NLK: variants seen among roughly 807,000 people sequenced by gnomAD.
NLK encodes serine/threonine-protein kinase NLK.
A neutral mutation model predicts 59.0 loss-of-function variants in NLK; 11 were observed. The ratio of observed to expected loss-of-function variants is 0.19; its 90% CI spans 0.12 to 0.31. NLK has a LOEUF of 0.31. Among genes scored for constraint, NLK ranks in the 10% least tolerant of loss-of-function variants. The pLI, the probability that NLK is intolerant of heterozygous loss-of-function variation, is 1.00. For missense variants in NLK, 410 were observed against 661.1 expected, an observed-to-expected ratio of 0.62 and a Z score of 4.16; for synonymous variants, 235 against 235.9, an observed-to-expected ratio of 1.00 and a Z score of 0.03.
rs75660669 is a variant in NLK, at chr17:28,108,920, G to A, written c.459-13683G>A. Among the ~76,000 whole-genome samples the A allele has an allele frequency of 7.0e-4, 107 of 152,272 alleles. 1 individual carries two copies. In the East Asian group the frequency reaches 0.019, roughly 28 times the overall value. On this transcript the variant is annotated intron_variant, in intron 1 of 10. Coordinates refer to ENST00000407008, the MANE Select transcript of NLK (RefSeq NM_016231.5). ...GCAGTGGCTCACGCCTGTAATCCCAGCACTTTGGGAGGCTGAGGTGGGCGG... is the reference window on the plus strand; with the variant it reads ...GCAGTGGCTCACGCCTGTAATCCCAACACTTTGGGAGGCTGAGGTGGGCGG...
downstream of NLK, among the ~76,000 whole-genome samples, chr17:28,200,325 T>TTTTGTA (rs1160374664): frequency 6.6e-6 from 1 of 152,168 alleles, no homozygotes; most frequent in Non-Finnish European, 1.5e-5. Flanking sequence ...TTGAGCTAAT[T>TTTTGTA]TTTGTATAAG....
chr17:28,118,439 G>A (rs1056210087), intron 1 of NLK, among the ~76,000 whole-genome samples: 5 of 152,080 alleles, frequency 3.3e-5, no homozygotes, highest in African/African-American at 1.2e-4. Context: ...AACACATGGG[G>A]GATTCTTCAC....
intron 6 of NLK, chr17:28,171,096 GT>G (rs1283952562): frequency 2.0e-5 from 3 of 152,274 alleles, no homozygotes; most frequent in African/African-American, 7.2e-5. Context: ...GTTTCAGTTT[GT>G]TTTTATAAGC....
intron 3 of NLK, among the ~76,000 whole-genome samples, chr17:28,135,255 T>C (rs564519673): frequency 6.6e-6 from 1 of 152,342 alleles, no homozygotes; most frequent in Admixed American, 6.5e-5. Flanking sequence ...ACCCTCAGGC[T>C]CAGTGATTCG....
chr17:28,058,426 A>G (rs574883980), intron 1 of NLK, among the ~76,000 whole-genome samples: 2 of 152,252 alleles, frequency 1.3e-5, no homozygotes, highest in African/African-American at 4.8e-5. Flanking sequence ...CTTGAAGACA[A>G]TCTGTTTCTT....
chr17:28,151,170 C>T (rs868756753), intron 3 of NLK, among the ~76,000 whole-genome samples: 141 of 152,264 alleles, frequency 9.3e-4, no homozygotes, highest in African/African-American at 3.3e-3. Flanking sequence ...ATGCAGGTGT[C>T]TTTTCAGGCC....
intron 3 of NLK, among the ~76,000 whole-genome samples, chr17:28,158,546 A>G (rs1187798398): frequency 6.6e-6 from 1 of 152,188 alleles, no homozygotes; most frequent in Non-Finnish European, 1.5e-5. Context: ...TTTACTTTCG[A>G]AACTTTTTAA....
Position 28,191,055 on chromosome 17 carries a change from A to G in NLK, c.1271A>G (p.His424Arg). Residue 424 changes from histidine (H) to arginine (R), a missense_variant, in exon 9 of 11, where the codon CAC becomes CGC. Coordinates refer to ENST00000407008, the MANE Select transcript of NLK (RefSeq NM_016231.5). The stretch of plus-strand genomic sequence containing the variant: ...ATATCCGCTAAGGATGCCTTAGCCC[A>G]CCCCTACCTAGATGAAGGGCGACTA... ...KRISAKDALA[H>R]PYLDEGRLRY... is the part of the protein sequence containing the mutation. 6.2e-7 allele frequency: 1 copy of G among 1,608,564 alleles called. No homozygotes were observed.
intron 1 of NLK, among the ~76,000 whole-genome samples, chr17:28,080,710 C>G (rs970400853): frequency 1.3e-5 from 2 of 152,176 alleles, no homozygotes; most frequent in Non-Finnish European, 2.9e-5. Flanking sequence ...GTTAGCAGAT[C>G]AGCTTAGTGC....
chr17:28,196,724 A>C (rs1909493408), downstream of NLK, among the ~76,000 whole-genome samples: 1 of 152,152 alleles, frequency 6.6e-6, no homozygotes, highest in Admixed American at 6.5e-5. Flanking sequence ...GCTCTGTATG[A>C]AGCAGACTGG....
intron 3 of NLK, among the ~76,000 whole-genome samples, chr17:28,160,302 GTTA>G (rs1907952636): frequency 6.6e-6 from 1 of 152,292 alleles, no homozygotes; most frequent in Admixed American, 6.5e-5. Flanking sequence ...GTCAAAGGCT[GTTA>G]TTATCAGTTC....
intron 2 of NLK, among the ~76,000 whole-genome samples, chr17:28,131,795 G>A (rs920744534): frequency 1.3e-5 from 2 of 152,064 alleles, no homozygotes; most frequent in African/African-American, 4.8e-5. Flanking sequence ...TTTTATAAAG[G>A]ACTTGCGTCG....
chr17:28,053,769 C>A (rs1184608146), intron 1 of NLK, among the ~76,000 whole-genome samples: 1 of 152,210 alleles, frequency 6.6e-6, no homozygotes, highest in African/African-American at 2.4e-5. Flanking sequence ...AATGATCCGT[C>A]AATTTACATA....
chr17:28,098,666 A>G (rs1053696329), intron 1 of NLK, among the ~76,000 whole-genome samples: 7 of 132,032 alleles, frequency 5.3e-5, no homozygotes, highest in Non-Finnish European at 3.2e-5. Context: ...AAAGTTTTTC[A>G]TTACCATTCT....
At chr17:28,172,139 A>G (rs1259674887) in intron 6 of NLK, among the ~76,000 whole-genome samples, 1 of 151,410 alleles carries the variant, frequency 6.6e-6, no homozygotes, top group African/African-American at 2.4e-5. Flanking sequence ...AAATTCCTTT[A>G]CATGAGGAAT....
chr17:28,086,990 G>C (rs1910540472), intron 1 of NLK, among the ~76,000 whole-genome samples: 1 of 151,698 alleles, frequency 6.6e-6, no homozygotes, highest in African/African-American at 2.4e-5. Flanking sequence ...CAAGGCTGCA[G>C]TGAGCTAAGA....
At chr17:28,175,061 T>G (rs1399145813) in intron 7 of NLK, among the ~76,000 whole-genome samples, 1 of 151,720 alleles carries the variant, frequency 6.6e-6, no homozygotes, top group Non-Finnish European at 1.5e-5. Context: ...TTTTGGTACA[T>G]CATGACTTTT....
chr17:28,163,566 G>A lies in NLK; in HGVS notation c.775G>A (p.Gly259Ser), dbSNP rs1484217379. ...LRGLKYLHSA[G>S]ILHRDIKPGN... ...AGGTTTGAAATATCTCCATTCAGCT[G>A]GCATTTTACATCGAGACATTAAGCC... The change falls in exon 5 of 11, where the codon GGC becomes AGC. Residue 259 changes from glycine (G) to serine (S), a missense_variant. Coordinates refer to ENST00000407008, the MANE Select transcript of NLK (RefSeq NM_016231.5). The A allele has an allele frequency of 1.2e-6, 2 of 1,604,282 alleles. No individual in the cohort carries two copies. Among genetic ancestry groups the A allele is most frequent in the Non-Finnish European group, 1.7e-6 (2 of 1,172,842 alleles).
At chr17:28,163,729 C>A in intron 5 of NLK, 101 bp downstream of exon 5, 2 of 716,980 alleles carry the variant, frequency 2.8e-6, no homozygotes, top group Non-Finnish European at 4.7e-6. Context: ...ATTTCCATTA[C>A]TTTACCAAAA....
Sources: gnomAD v4.1 joint callset for allele counts (sites outside exome capture counted in the v4.1 genomes callset) on GRCh38, gnomAD v4.1.1 for gene constraint, MANE v1.5 for transcripts, NCBI Gene and HGNC (gene_info 2026-07-23, HGNC 2026-07-21) for gene names.